The following PSME4 variants were observed in gnomAD, a reference collection of about 807,000 sequenced individuals.
PSME4 encodes proteasome activator complex subunit 4.
A neutral mutation model predicts 253.9 loss-of-function variants in PSME4; 89 were observed. The ratio of observed to expected loss-of-function variants is 0.35; its 90% CI spans 0.30 to 0.42. The LOEUF is 0.42. Ranked by LOEUF, PSME4 falls within the 10% of genes least tolerant of loss-of-function variation. The pLI is 1.00. For synonymous variants in PSME4, 851 were observed against 759.2 expected, an observed-to-expected ratio of 1.12 and a Z score of -1.99; for missense variants, 2,014 against 2,195.2, an observed-to-expected ratio of 0.92 and a Z score of 1.65.
intron 36 of PSME4, among the ~76,000 whole-genome samples, chr2:53,891,766 A>G (rs1679916319): frequency 6.6e-6 from 1 of 151,508 alleles, no homozygotes; most frequent in Non-Finnish European, 1.5e-5. Flanking sequence ...TGGCTGAGGC[A>G]TTGCTTGAAC....
chr2:53,938,617 GT>G (rs1386630637), intron 4 of PSME4, among the ~76,000 whole-genome samples: 5 of 151,820 alleles, frequency 3.3e-5, no homozygotes, highest in Non-Finnish European at 5.9e-5. Flanking sequence ...GCCTTAAGAG[GT>G]TTAAAATACA....
At chr2:53,920,862 G>C in intron 18 of PSME4, 27 bp downstream of exon 18, 1 of 1,530,318 alleles carries the variant, frequency 6.5e-7, no homozygotes, top group Non-Finnish European at 9.0e-7. Flanking sequence ...ACATATTCTT[G>C]AATCCTAAAG....
intron 37 of PSME4, 97 bp downstream of exon 37, chr2:53,890,007 G>T (rs540372756): frequency 1.3e-4 from 121 of 948,958 alleles, no homozygotes; most frequent in Non-Finnish European, 1.0e-4. Context: ...AACCCAAAAA[G>T]ATTTAAGAAG....
At chr2:53,883,751 T>C (rs1679506607) in intron 41 of PSME4, among the ~76,000 whole-genome samples, 1 of 151,436 alleles carries the variant, frequency 6.6e-6, no homozygotes, top group South Asian at 2.1e-4. Flanking sequence ...TACTTCTTTT[T>C]TTTTTTTCCA....
At chr2:53,968,708 G>T (rs1250462180) in intron 1 of PSME4, among the ~76,000 whole-genome samples, 1 of 152,156 alleles carries the variant, frequency 6.6e-6, no homozygotes, top group Non-Finnish European at 1.5e-5. Context: ...AAATGGTTAT[G>T]GGTTCATGGG....
chr2:53,880,032 TG>T (rs1679307660), intron 41 of PSME4, among the ~76,000 whole-genome samples: 1 of 152,182 alleles, frequency 6.6e-6, no homozygotes, highest in Non-Finnish European at 1.5e-5. Flanking sequence ...AGGAAGAATA[TG>T]GTGGAAGTAA....
chr2:53,898,220 C>T (rs1411522501), intron 30 of PSME4, 81 bp downstream of exon 30: 1 of 1,334,276 alleles, frequency 7.5e-7, no homozygotes, highest in Non-Finnish European at 1.0e-6. Flanking sequence ...GTGACATAGT[C>T]ATTCATAGCC....
intron 20 of PSME4, among the ~76,000 whole-genome samples, chr2:53,918,287 T>C (rs929754044): frequency 2.0e-5 from 3 of 152,222 alleles, no homozygotes; most frequent in Non-Finnish European, 4.4e-5. Context: ...TTAGTATATT[T>C]AAATTATTAT....
intron 36 of PSME4, among the ~76,000 whole-genome samples, chr2:53,892,563 T>C (rs72799250): frequency 0.082 from 12,481 of 152,242 alleles, 657 homozygotes; most frequent in East Asian, 0.26. Flanking sequence ...GGAATTCTTT[T>C]TTAATTTTTT....
intron 1 of PSME4, among the ~76,000 whole-genome samples, chr2:53,960,097 G>A: frequency 6.6e-6 from 1 of 152,130 alleles, no homozygotes; most frequent in Middle Eastern, 3.2e-3. Flanking sequence ...CTGACCATCT[G>A]CAGAATTAAG....
chr2:53,957,350 C>G (rs1394829156), intron 1 of PSME4, among the ~76,000 whole-genome samples: 1 of 152,168 alleles, frequency 6.6e-6, no homozygotes, highest in Non-Finnish European at 1.5e-5. Context: ...CATAACTCAT[C>G]ATAATGTAGA....
chr2:53,928,105 C>A lies in PSME4; in HGVS notation c.1503+12G>T. 1 of 1,608,280 alleles carries A rather than the reference C, an allele frequency of 6.2e-7. No homozygotes were observed. The highest frequency in any genetic ancestry group is 1.1e-5 in the South Asian group (1 of 90,710). ...ACCTAAATACGGAGTGTATAATCAC[C>A]AATATACTCACCATGCATTTACTAA... On this transcript the variant is annotated intron_variant, in intron 11 of 46. Transcript: ENST00000404125.
chr2:53,903,413 C>G (rs1680503008), intron 27 of PSME4, among the ~76,000 whole-genome samples: 1 of 152,098 alleles, frequency 6.6e-6, no homozygotes, highest in Non-Finnish European at 1.5e-5. Flanking sequence ...TCTTAATTCA[C>G]TCTCAATCTA....
chr2:53,878,359 C>T (rs945538558), intron 41 of PSME4, among the ~76,000 whole-genome samples: 11 of 152,124 alleles, frequency 7.2e-5, no homozygotes, highest in Non-Finnish European at 7.4e-5. Context: ...GGATGAATGT[C>T]GCCTCAGGAC....
intron 32 of PSME4, among the ~76,000 whole-genome samples, chr2:53,895,950 G>T (rs1680119390): frequency 6.6e-6 from 1 of 152,000 alleles, no homozygotes; most frequent in African/African-American, 2.4e-5. Flanking sequence ...GTTATTTTGG[G>T]GGAGAGATCA....
At chr2:53,891,634 G>A (rs1461727292) in intron 36 of PSME4, among the ~76,000 whole-genome samples, 2 of 152,006 alleles carry the variant, frequency 1.3e-5, no homozygotes, top group African/African-American at 4.8e-5. Context: ...GCCAAGGTAG[G>A]TGGAGTTCAA....
chr2:53,955,088 C>A (rs1288931500), intron 1 of PSME4, among the ~76,000 whole-genome samples: 3 of 151,702 alleles, frequency 2.0e-5, no homozygotes, highest in Non-Finnish European at 2.9e-5. Flanking sequence ...CGAGGAGCAT[C>A]TGAGTCTGGG....
At chr2:53,916,551 C>T (rs1668073371) in intron 20 of PSME4, among the ~76,000 whole-genome samples, 3 of 152,170 alleles carry the variant, frequency 2.0e-5, no homozygotes, top group Admixed American at 2.0e-4. Context: ...TACAGATATT[C>T]ATTCTTCACA....
At chr2:53,938,107 T>C (rs1221625100) in intron 4 of PSME4, among the ~76,000 whole-genome samples, 1 of 152,090 alleles carries the variant, frequency 6.6e-6, no homozygotes, top group Non-Finnish European at 1.5e-5. Flanking sequence ...TACAAGTCAC[T>C]CAGTTACCTA....
Sources: gnomAD v4.1 joint callset for allele counts (sites outside exome capture counted in the v4.1 genomes callset) on GRCh38, gnomAD v4.1.1 for gene constraint, MANE v1.5 for transcripts, NCBI Gene and HGNC (gene_info 2026-07-23, HGNC 2026-07-21) for gene names.